The following GULP1 variants were observed in gnomAD, a reference collection of about 807,000 sequenced individuals.
GULP1 encodes PTB domain-containing engulfment adapter protein 1.
In GULP1, 19 loss-of-function variants were observed where a neutral mutation model predicts 40.9. The observed-to-expected ratio is 0.46, with a 90% CI of 0.32 to 0.68. GULP1 has a LOEUF of 0.68. Among genes scored for constraint, GULP1 ranks in the 30% least tolerant of loss-of-function variants. The probability of loss-of-function intolerance (pLI) is 0.03; values close to 1 mark genes in which losing one functional copy is unlikely to be tolerated. For synonymous variants in GULP1, 119 were observed against 117.6 expected (o/e 1.01, Z -0.08); for missense variants, 312 against 362.2 (o/e 0.86, Z 1.12).
At chr2:188,415,153 T>C (rs2054415651) in intron 2 of GULP1, among the ~76,000 whole-genome samples, 1 of 152,204 alleles carries the variant, frequency 6.6e-6, no homozygotes, top group Non-Finnish European at 1.5e-5. Context: ...AATATGATAC[T>C]GCTAATTTTC....
intron 2 of GULP1, among the ~76,000 whole-genome samples, chr2:188,463,871 TC>T (rs2059909752): frequency 6.6e-6 from 1 of 152,196 alleles, no homozygotes; most frequent in Non-Finnish European, 1.5e-5. Context: ...TATTTCAATG[TC>T]TTTTTTAAAT....
At chr2:188,364,668 G>A (rs1194094973) in intron 1 of GULP1, among the ~76,000 whole-genome samples, 1 of 150,964 alleles carries the variant, frequency 6.6e-6, no homozygotes, top group Non-Finnish European at 1.5e-5. Context: ...AATTTTTGTT[G>A]ATATGCTGCA....
At chr2:188,518,416 CACAAAACTTGTGGAGTT>C (rs2065404298) in intron 4 of GULP1, among the ~76,000 whole-genome samples, 1 of 152,072 alleles carries the variant, frequency 6.6e-6, no homozygotes, top group African/African-American at 2.4e-5. Context: ...TTTGTACCTC[CACAAAACTTGTGGAGTT>C]ACAAAACTTG....
Position 188,459,898 on chromosome 2 carries a change from CTG to C in GULP1, c.-44-17759_-44-17758del, listed in dbSNP as rs560841352. ...TTCCCAGCATCATTTATTGAAGAAACTGTCTTTTTCCCAGTGTATGTTTTTGG... is the reference window on the plus strand; with the variant it reads ...TTCCCAGCATCATTTATTGAAGAAACTCTTTTTCCCAGTGTATGTTTTTGG... On this transcript the variant is annotated intron_variant, in intron 2 of 11. Transcript: ENST00000409830. 2.8e-4 allele frequency among the ~76,000 whole-genome samples: 42 copies of C among 152,138 alleles called. No homozygotes were observed. In the East Asian group the frequency reaches 6.0e-3, roughly 22 times the overall value.
chr2:188,320,022 G>A (rs2039730250), intron 1 of GULP1, among the ~76,000 whole-genome samples: 1 of 152,000 alleles, frequency 6.6e-6, no homozygotes, highest in Non-Finnish European at 1.5e-5. Flanking sequence ...CAACATCCCT[G>A]GCCTCTACCC....
intron 2 of GULP1, among the ~76,000 whole-genome samples, chr2:188,444,594 C>G (rs946594772): frequency 2.6e-5 from 4 of 152,184 alleles, no homozygotes; most frequent in African/African-American, 9.7e-5. Flanking sequence ...TGGGTCACTC[C>G]TTTCTCTCAC....
chr2:188,579,754 A>C (rs192089138), intron 9 of GULP1, among the ~76,000 whole-genome samples: 1 of 152,176 alleles, frequency 6.6e-6, no homozygotes, highest in African/African-American at 2.4e-5. Context: ...TATTATATAC[A>C]TTCTCCATTT....
intron 1 of GULP1, among the ~76,000 whole-genome samples, chr2:188,348,817 A>G (rs2152273209): frequency 6.6e-6 from 1 of 152,312 alleles, no homozygotes; most frequent in Non-Finnish European, 1.5e-5. Flanking sequence ...CCCTGGAACC[A>G]GTCCCCCTCC....
intron 1 of GULP1, among the ~76,000 whole-genome samples, chr2:188,309,872 A>T (rs974064552): frequency 1.3e-5 from 2 of 152,230 alleles, no homozygotes; most frequent in African/African-American, 4.8e-5. Flanking sequence ...GCTATGTGCC[A>T]ACTACTGTGC....
At chr2:188,461,692 G>T (rs1454339921) in intron 2 of GULP1, among the ~76,000 whole-genome samples, 1 of 151,966 alleles carries the variant, frequency 6.6e-6, no homozygotes, top group African/African-American at 2.4e-5. Flanking sequence ...ATCTTGGTAG[G>T]TTGTATGTGT....
intron 9 of GULP1, among the ~76,000 whole-genome samples, chr2:188,577,629 G>A (rs1700414496): frequency 2.0e-5 from 3 of 151,976 alleles, no homozygotes; most frequent in African/African-American, 7.2e-5. Flanking sequence ...CCTTCTTTCA[G>A]TTTTCCACTT....
chr2:188,568,279 T>G (rs926826945), intron 7 of GULP1, among the ~76,000 whole-genome samples: 2 of 152,190 alleles, frequency 1.3e-5, no homozygotes, highest in Admixed American at 6.5e-5. Flanking sequence ...ACTACTAGTC[T>G]TCTTGTTATC....
chr2:188,430,106 G>A (rs1242869239), intron 2 of GULP1, among the ~76,000 whole-genome samples: 3 of 152,076 alleles, frequency 2.0e-5, no homozygotes, highest in African/African-American at 7.2e-5. Flanking sequence ...TTTAGTGTTC[G>A]ATTTTGAAGA....
At chr2:188,534,145 C>T (rs1175466248) in intron 6 of GULP1, among the ~76,000 whole-genome samples, 2 of 152,018 alleles carry the variant, frequency 1.3e-5, no homozygotes, top group African/African-American at 2.4e-5. Context: ...TGGTATATAT[C>T]CAAAAGAAAA....
chr2:188,421,937 G>A (rs555749570), intron 2 of GULP1, among the ~76,000 whole-genome samples: 126 of 152,138 alleles, frequency 8.3e-4, no homozygotes, highest in Non-Finnish European at 1.6e-3. Flanking sequence ...TTCTTAATTT[G>A]TTTTTATTCA....
intron 1 of GULP1, among the ~76,000 whole-genome samples, chr2:188,302,328 A>T (rs1039146681): frequency 6.6e-6 from 1 of 152,202 alleles, no homozygotes; most frequent in Non-Finnish European, 1.5e-5. Flanking sequence ...AGAGAACTAA[A>T]TTTAAAATTT....
At chr2:188,455,828 C>T (rs1324290700) in intron 2 of GULP1, among the ~76,000 whole-genome samples, 2 of 152,152 alleles carry the variant, frequency 1.3e-5, no homozygotes, top group Non-Finnish European at 2.9e-5. Flanking sequence ...TTCCTAGACA[C>T]TTGTTGAATG....
At chr2:188,316,118 T>C (rs1234158084) in intron 1 of GULP1, among the ~76,000 whole-genome samples, 59 of 152,172 alleles carry the variant, frequency 3.9e-4, no homozygotes, top group Admixed American at 3.9e-3. Flanking sequence ...TTTATTGCTC[T>C]GAATAGAATG....
intron 9 of GULP1, among the ~76,000 whole-genome samples, chr2:188,579,722 T>C (rs1328812413): frequency 6.6e-6 from 1 of 152,186 alleles, no homozygotes; most frequent in East Asian, 1.9e-4. Flanking sequence ...AATTGTAGTA[T>C]ATAAATACTT....
Sources: gnomAD v4.1 joint callset for allele counts (sites outside exome capture counted in the v4.1 genomes callset) on GRCh38, gnomAD v4.1.1 for gene constraint, MANE v1.5 for transcripts, NCBI Gene and HGNC (gene_info 2026-07-23, HGNC 2026-07-21) for gene names.